Variants in RPTOR observed in about 807,000 individuals in gnomAD.
RPTOR encodes the protein regulatory associated protein of MTOR complex 1, also known as regulatory-associated protein of mTOR.
In RPTOR, 21 loss-of-function variants were observed where a neutral mutation model predicts 169.9. The observed-to-expected ratio is 0.12, with a 90% CI of 0.09 to 0.18. The LOEUF is 0.18. Ranked by LOEUF, RPTOR falls within the 10% of genes least tolerant of loss-of-function variation. RPTOR has a pLI of 1.00. For synonymous variants in RPTOR, 732 were observed against 753.2 expected (o/e 0.97, Z 0.46); for missense variants, 1,133 against 1,855.9 (o/e 0.61, Z 7.16).
chr17:80,728,570 A>G (rs763225137), intron 4 of RPTOR, among the ~76,000 whole-genome samples: 5 of 151,972 alleles, frequency 3.3e-5, no homozygotes, highest in Non-Finnish European at 7.4e-5. Context: ...TGCTGTCCTC[A>G]TTAGAGTTAC....
rs187238227 is a variant in RPTOR at position 80,854,280 on chromosome 17, T to C, written c.1315-1184T>C. On this transcript the variant is annotated intron_variant, in intron 11 of 33. Transcript: ENST00000306801. ...TGTCCCACAAGCTTTAAATTTATTA[T>C]TTAATTTAATGAAACCCTTGTGGGC... Among the ~76,000 whole-genome samples, 1,102 of 152,370 alleles carry C rather than the reference T, an allele frequency of 7.2e-3. 7 individuals are homozygous for C. The highest frequency in any genetic ancestry group is 0.013 in the Non-Finnish European group (857 of 68,034).
intron 10 of RPTOR, among the ~76,000 whole-genome samples, chr17:80,840,867 G>C (rs1200525689): frequency 2.3e-5 from 3 of 130,428 alleles, no homozygotes; most frequent in South Asian, 2.6e-4. Flanking sequence ...CCACACGGCA[G>C]CTCACTCTCA....
At chr17:80,750,983 T>C (rs2066624873) in intron 5 of RPTOR, among the ~76,000 whole-genome samples, 1 of 152,028 alleles carries the variant, frequency 6.6e-6, no homozygotes, top group African/African-American at 2.4e-5. Flanking sequence ...ATATTTATTA[T>C]TAAGTATATG....
At chr17:80,942,727 G>A (rs28436097) in intron 25 of RPTOR, among the ~76,000 whole-genome samples, 3,525 of 152,326 alleles carry the variant, frequency 0.023, 156 homozygotes, top group African/African-American at 0.08. Context: ...CAGAGAAGTC[G>A]GCGTCGCCCA....
intron 2 of RPTOR, among the ~76,000 whole-genome samples, chr17:80,627,504 C>T (rs1355692193): frequency 3.3e-5 from 5 of 152,168 alleles, no homozygotes; most frequent in African/African-American, 7.2e-5. Context: ...CCTCTGGAAA[C>T]CATTGATCTG....
rs897296009 is a variant in RPTOR, at chr17:80,885,134, C to G, written c.1969C>G (p.Pro657Ala). ...MLAQLVSDGS[P>A]MVRKELVVAL... ...GGCCCAGCTGGTCAGCGACGGGAGC[C>G]CCATGGTCCGGAAGGTGCGTGAACC... The change falls in exon 17 of 34, where the codon CCC (proline) becomes GCC (alanine). Residue 657 changes from proline (P) to alanine (A), a missense_variant. By Grantham distance (27) the Pro-to-Ala change is conservative. Around this residue, in one of 9 missense-constraint regions of RPTOR, gnomAD observed 150 missense variants for 206.4 expected, o/e 0.73. Transcript: ENST00000306801. The G allele has an allele frequency of 7.7e-6, 12 of 1,558,132 alleles. No homozygotes were observed. In the Admixed American group the frequency reaches 1.6e-4, roughly 20 times the overall value.
chr17:80,694,793 G>T (rs869190), intron 3 of RPTOR, among the ~76,000 whole-genome samples: 27,106 of 152,146 alleles, frequency 0.18, 2,849 homozygotes, highest in East Asian at 0.24. Flanking sequence ...CATTCTGGCG[G>T]TTCCTGGCTT....
rs918149830 is a variant in RPTOR, at chr17:80,651,482, C to T, written c.348+7672C>T. Among the ~76,000 whole-genome samples, 2 of 152,200 alleles carry T rather than the reference C, an allele frequency of 1.3e-5. No homozygotes were observed. The highest frequency in any genetic ancestry group is 4.8e-5 in the African/African-American group (2 of 41,450). On this transcript the variant is annotated intron_variant, in intron 3 of 33. Coordinates refer to ENST00000306801, the MANE Select transcript of RPTOR (RefSeq NM_020761.3). This position sits in a 1 kb window ranked among gnomAD's most constrained non-coding sequence, Gnocchi z 4.1. ...TTGGGTGTTCACAAGGGCTTCTGTA[C>T]AGCTCCCTCCCAAATGTCCGCGATT...
At chr17:80,830,536 G>A (rs1026970934) in intron 9 of RPTOR, among the ~76,000 whole-genome samples, 11 of 152,220 alleles carry the variant, frequency 7.2e-5, no homozygotes, top group Non-Finnish European at 4.4e-5. Flanking sequence ...TTCTCACGGC[G>A]TCGGGCTGCT....
At chr17:80,720,224 G>A (rs1310411204) in intron 4 of RPTOR, among the ~76,000 whole-genome samples, 1 of 152,058 alleles carries the variant, frequency 6.6e-6, no homozygotes, top group Non-Finnish European at 1.5e-5. Flanking sequence ...CTTGAACTGG[G>A]ACTTGGAGGT....
At chr17:80,857,980 C>T (rs1383461185) in intron 13 of RPTOR, 80 bp downstream of exon 13, 1 of 1,110,774 alleles carries the variant, frequency 9.0e-7, no homozygotes. Flanking sequence ...CGTTTCCAGC[C>T]TGCCCTTTCT....
intron 13 of RPTOR, among the ~76,000 whole-genome samples, chr17:80,863,580 A>G (rs1393095544): frequency 6.6e-6 from 1 of 152,234 alleles, no homozygotes; most frequent in African/African-American, 2.4e-5. Flanking sequence ...ATGGGAAGAA[A>G]TATACTTGAT....
chr17:80,757,166 G>A (rs907258072), intron 6 of RPTOR, among the ~76,000 whole-genome samples: 3 of 152,174 alleles, frequency 2.0e-5, no homozygotes, highest in East Asian at 1.9e-4. Flanking sequence ...GGGGCATCCC[G>A]TGTTGAGAGA....
intron 2 of RPTOR, among the ~76,000 whole-genome samples, chr17:80,643,297 A>T (rs2065567895): frequency 6.6e-6 from 1 of 152,200 alleles, no homozygotes; most frequent in African/African-American, 2.4e-5. Flanking sequence ...AAAATTAATT[A>T]AAAAGTATCA....
chr17:80,755,447 T>C (rs1240240135), intron 6 of RPTOR, among the ~76,000 whole-genome samples: 1 of 150,790 alleles, frequency 6.6e-6, no homozygotes, highest in Admixed American at 6.6e-5. Flanking sequence ...AAAAAGAAAA[T>C]AGAAAAATAG....
At chr17:80,774,197 G>A (rs895281546) in intron 6 of RPTOR, 29 of 985,258 alleles carry the variant, frequency 2.9e-5, no homozygotes, top group South Asian at 2.3e-4. Context: ...AGCTGGTCCC[G>A]TCTCCACCCG....
intron 2 of RPTOR, among the ~76,000 whole-genome samples, chr17:80,637,106 C>T (rs993882180): frequency 1.2e-4 from 18 of 152,096 alleles, no homozygotes; most frequent in Non-Finnish European, 2.5e-4. Flanking sequence ...TGGGGTGGAG[C>T]GGAAGGTGGT....
At chr17:80,938,728 GA>G (rs2068986007) in intron 24 of RPTOR, among the ~76,000 whole-genome samples, 1 of 152,094 alleles carries the variant, frequency 6.6e-6, no homozygotes, top group Non-Finnish European at 1.5e-5. Context: ...CTTTTAAGAA[GA>G]AAAAGAAGGA....
chr17:80,930,343 C>CCCTGCTCATCCTCAGCTCATCT (rs2068871527), intron 24 of RPTOR, among the ~76,000 whole-genome samples: 1 of 35,364 alleles, frequency 2.8e-5, no homozygotes, highest in Non-Finnish European at 5.9e-5. Flanking sequence ...TCAGCTCATC[C>CCCTGCTCATCCTCAGCTCATCT]TCAGCTCATC....
Sources: gnomAD v4.1 joint callset for allele counts (sites outside exome capture counted in the v4.1 genomes callset) on GRCh38, gnomAD v4.1.1 for gene constraint, gnomAD v4.1.1 regional missense constraint, Gnocchi (gnomAD v3.1) non-coding constraint, MANE v1.5 for transcripts, NCBI Gene and HGNC (gene_info 2026-07-23, HGNC 2026-07-21) for gene names.